The following GASK1B variants were observed in gnomAD, a reference collection of about 807,000 sequenced individuals.
GASK1B encodes Golgi-associated kinase 1B.
A neutral mutation model predicts 42.8 loss-of-function variants in GASK1B; 34 were observed. That is an observed-to-expected ratio of 0.79 (90% confidence interval 0.60 to 1.06). The LOEUF is 1.06. GASK1B is among the 50% of genes least tolerant of loss of function. The pLI, the probability that GASK1B is intolerant of heterozygous loss-of-function variation, is 0.00. For missense variants in GASK1B, 686 were observed against 661.0 expected, an observed-to-expected ratio of 1.04 and a Z score of -0.42; for synonymous variants, 262 against 259.1, an observed-to-expected ratio of 1.01 and a Z score of -0.11.
chr4:158,129,465 C>T (rs1336208675), intron 4 of GASK1B, among the ~76,000 whole-genome samples: 1 of 152,150 alleles, frequency 6.6e-6, no homozygotes, highest in Admixed American at 6.6e-5. Context: ...CCGGCAAAAA[C>T]TTATAAAATC....
intron 2 of GASK1B, among the ~76,000 whole-genome samples, chr4:158,160,716 G>C (rs1475126688): frequency 6.6e-6 from 1 of 152,080 alleles, no homozygotes; most frequent in Non-Finnish European, 1.5e-5. Flanking sequence ...TCCATCATCA[G>C]AAAATGGATA....
At chr4:158,146,306 C>T (rs1331997619) in intron 3 of GASK1B, among the ~76,000 whole-genome samples, 1 of 151,486 alleles carries the variant, frequency 6.6e-6, no homozygotes, top group Non-Finnish European at 1.5e-5. Flanking sequence ...ACTTAATAGG[C>T]GAAGGCCTAT....
rs369515617 is a variant in GASK1B at position 158,155,813 on chromosome 4, C to T, written c.923G>A (p.Cys308Tyr). Residue 308 changes from cysteine to tyrosine, a missense_variant, in exon 3 of 5, where the codon TGC becomes TAC. By Grantham distance (194) the Cys-to-Tyr change is radical. Transcript: ENST00000585682. ...AGATGCATCCCAAAGAATGATGGGG[C>T]ATGGGCGGCCATCTATAGAATCAGA... ...KAEFIQDGRP[C>Y]PIILWDASLS... 1.9e-6 allele frequency: 3 copies of T among 1,613,464 alleles called. No individual in the cohort carries two copies. The African/African-American group carries it at 4.0e-5, about 22-fold the overall frequency.
intron 1 of GASK1B, 158 bp downstream of exon 1, chr4:158,172,710 C>G (rs1732609357): frequency 6.6e-6 from 1 of 152,056 alleles, no homozygotes; most frequent in Non-Finnish European, 1.5e-5. Context: ...TCAGAAATGT[C>G]AGTCTCATGA....
intron 3 of GASK1B, among the ~76,000 whole-genome samples, chr4:158,133,370 T>C (rs1730758256): frequency 6.6e-6 from 1 of 152,192 alleles, no homozygotes; most frequent in African/African-American, 2.4e-5. Context: ...GTTTTGAATA[T>C]AACCCGTAAA....
intron 2 of GASK1B, among the ~76,000 whole-genome samples, chr4:158,162,616 C>T (rs144857194): frequency 1.0e-3 from 155 of 152,310 alleles, no homozygotes; most frequent in African/African-American, 3.6e-3. Flanking sequence ...TGCCCTCATT[C>T]TGTCCAGCTT....
chr4:158,165,764 T>C (rs1732206796), intron 2 of GASK1B, among the ~76,000 whole-genome samples: 1 of 152,164 alleles, frequency 6.6e-6, no homozygotes, highest in Admixed American at 6.5e-5. Context: ...AGAGACAGAA[T>C]TGGGCACAAA....
chr4:158,138,096 A>C (rs547149105), intron 3 of GASK1B, among the ~76,000 whole-genome samples: 125 of 152,304 alleles, frequency 8.2e-4, no homozygotes, highest in Non-Finnish European at 1.4e-3. Flanking sequence ...CGTATAAGTA[A>C]AAGTATTCTA....
At chr4:158,137,879 T>C (rs1730964540) in intron 3 of GASK1B, among the ~76,000 whole-genome samples, 1 of 152,190 alleles carries the variant, frequency 6.6e-6, no homozygotes, top group Non-Finnish European at 1.5e-5. Context: ...TGAAGAGAAA[T>C]GTAAAAATAG....
At chr4:158,135,694 C>T (rs1730862437) in intron 3 of GASK1B, among the ~76,000 whole-genome samples, 1 of 151,740 alleles carries the variant, frequency 6.6e-6, no homozygotes, top group Non-Finnish European at 1.5e-5. Context: ...CAAAACGATA[C>T]TGCAAAAAGG....
Position 158,171,441 on chromosome 4 carries a change from C to T in GASK1B, c.-66G>A. ...GCAGTTGGCTCCTGCTAATGTGATGCATGGTTTCCTGACTTCAGCTGCCGC... is the reference window on the plus strand; with the variant it reads ...GCAGTTGGCTCCTGCTAATGTGATGTATGGTTTCCTGACTTCAGCTGCCGC... On this transcript the variant is annotated 5_prime_UTR_variant, in exon 2 of 5. The change abolishes an upstream ATG in the 5' untranslated region. Transcript: ENST00000585682. The T allele has an allele frequency of 6.8e-7, 1 of 1,479,316 alleles. No homozygotes were observed. 91.6% of individuals were successfully genotyped at this position (1,479,316 alleles called of 1,614,324 possible). A position where few individuals can be genotyped will look rare whatever the true frequency, so the allele number is the denominator to read the frequency against.
chr4:158,171,381 T>C lies in GASK1B; in HGVS notation c.-6A>G. The C allele has an allele frequency of 6.5e-7, 1 of 1,549,490 alleles. No individual in the cohort carries two copies. Among genetic ancestry groups the C allele is most frequent in the Non-Finnish European group, 8.7e-7 (1 of 1,144,624 alleles). On this transcript the variant is annotated 5_prime_UTR_variant, in exon 2 of 5. Transcript: ENST00000585682. The stretch of plus-strand genomic sequence containing the variant: ...GGCTTGTCTGGACAGGTCATTTCTC[T>C]GCCGCATCCACATGTTGAACGGAGT...
intron 3 of GASK1B, among the ~76,000 whole-genome samples, chr4:158,138,509 T>A (rs1208254476): frequency 6.6e-6 from 1 of 152,184 alleles, no homozygotes; most frequent in Non-Finnish European, 1.5e-5. Flanking sequence ...TGGAACTAAA[T>A]CTATAAAATC....
intron 3 of GASK1B, among the ~76,000 whole-genome samples, chr4:158,134,671 A>G (rs2110936763): frequency 6.6e-6 from 1 of 152,210 alleles, no homozygotes; most frequent in East Asian, 1.9e-4. Context: ...TTCCAGCCAA[A>G]TTTTTTGGTG....
chr4:158,146,775 A>G (rs146947878), intron 3 of GASK1B, among the ~76,000 whole-genome samples: 193 of 152,328 alleles, frequency 1.3e-3, no homozygotes, highest in Non-Finnish European at 2.1e-3. Context: ...TATTTTATAT[A>G]ATCTTTTGAG....
At chr4:158,143,323 T>C (rs1419557068) in intron 3 of GASK1B, among the ~76,000 whole-genome samples, 1 of 152,230 alleles carries the variant, frequency 6.6e-6, no homozygotes, top group East Asian at 1.9e-4. Flanking sequence ...TAATTTTCCA[T>C]AATAATTTTT....
intron 2 of GASK1B, among the ~76,000 whole-genome samples, chr4:158,156,844 G>A (rs916418795): frequency 3.3e-5 from 5 of 152,036 alleles, no homozygotes; most frequent in African/African-American, 1.2e-4. Flanking sequence ...AACAACAGAG[G>A]CCTCTGAAAT....
chr4:158,163,580 A>T (rs1732113893), intron 2 of GASK1B, among the ~76,000 whole-genome samples: 1 of 152,190 alleles, frequency 6.6e-6, no homozygotes, highest in African/African-American at 2.4e-5. Flanking sequence ...GAAAAAAAAA[A>T]AAAAAGAGTG....
At chr4:158,150,784 C>T (rs1197721881) in intron 3 of GASK1B, among the ~76,000 whole-genome samples, 1 of 152,190 alleles carries the variant, frequency 6.6e-6, no homozygotes, top group Non-Finnish European at 1.5e-5. Context: ...CTCTTGAACA[C>T]TCTTTAAGGA....
Sources: allele counts gnomAD v4.1 joint callset (sites outside exome capture counted in the v4.1 genomes callset), GRCh38; gene constraint gnomAD v4.1.1; transcripts MANE v1.5; gene names NCBI Gene and HGNC (gene_info 2026-07-23, HGNC 2026-07-21).